Variants in LHPP observed in about 807,000 individuals in gnomAD.
LHPP encodes the protein hLHPP.
Under a neutral mutation model 30.3 loss-of-function variants are expected in LHPP, and 24 were observed. That is an observed-to-expected ratio of 0.79 (90% CI 0.57 to 1.11). The LOEUF is 1.11. LHPP is among the 50% of genes most tolerant of loss of function. LHPP has a pLI of 0.00. For missense variants in LHPP, 356 were observed against 367.2 expected, an observed-to-expected ratio of 0.97 and a Z score of 0.25; for synonymous variants, 150 against 157.1, an observed-to-expected ratio of 0.95 and a Z score of 0.34.
intron 3 of LHPP, among the ~76,000 whole-genome samples, chr10:124,495,487 G>A (rs1037561528): frequency 3.9e-5 from 6 of 152,228 alleles, no homozygotes; most frequent in Non-Finnish European, 8.8e-5. Flanking sequence ...AGTGGAGGAC[G>A]CACAGGGGTG....
chr10:124,551,260 T>A lies in LHPP; in HGVS notation c.716+33989T>A, dbSNP rs568005876. ...CGCCTGGGGCCCCAGAGAGGCCCGA[T>A]CCCATCCCGCTGGGGCACGCCCCAG... is the stretch of plus-strand genomic sequence containing the variant. On this transcript the variant is annotated intron_variant, in intron 6 of 6. Coordinates refer to ENST00000368842, the MANE Select transcript of LHPP (RefSeq NM_022126.4). Among the ~76,000 whole-genome samples, 326 of 152,168 alleles carry A rather than the reference T, an allele frequency of 2.1e-3. 1 individual carries two copies. Among genetic ancestry groups the A allele is most frequent in the Admixed American group, 4.1e-3 (63 of 15,296 alleles).
At chr10:124,536,618 AG>A (rs1250050335) in intron 6 of LHPP, among the ~76,000 whole-genome samples, 2 of 152,144 alleles carry the variant, frequency 1.3e-5, no homozygotes, top group Admixed American at 1.3e-4. Flanking sequence ...TGTGAGCCAG[AG>A]GGCTGGGGGA....
rs565364443 is a variant in LHPP, at chr10:124,519,933, C to T, written c.716+2662C>T. ...CTGCAAGCTCCGCCTCCCGGGTTCA[C>T]GCCATTCTCCTGCCTCAGCCTCCCA... On this transcript the variant is annotated intron_variant, in intron 6 of 6. Coordinates refer to ENST00000368842, the MANE Select transcript of LHPP (RefSeq NM_022126.4). Among the ~76,000 whole-genome samples the T allele has an allele frequency of 3.8e-3, 572 of 151,978 alleles. 3 individuals are homozygous for T. The highest frequency in any genetic ancestry group is 0.016 in the South Asian group (75 of 4,802).
chr10:124,565,103 A>AC (rs1024290106), intron 6 of LHPP, among the ~76,000 whole-genome samples: 52 of 152,252 alleles, frequency 3.4e-4, no homozygotes, highest in African/African-American at 1.1e-3. Context: ...GTTTGCAAAC[A>AC]CGACGCCCGG....
chr10:124,543,071 G>A lies in LHPP; in HGVS notation c.716+25800G>A, dbSNP rs546607332. ...GCCACCCATGCCCATCTCAGGGTGT[G>A]GGCCCAGCGGGTCCTCAGGCTGTAC... On this transcript the variant is annotated intron_variant, in intron 6 of 6. Transcript: ENST00000368842. Among the ~76,000 whole-genome samples the A allele has an allele frequency of 3.3e-5, 5 of 152,340 alleles. No homozygotes were observed. The South Asian group carries it at 8.3e-4, about 25-fold the overall frequency.
chr10:124,569,886 C>T (rs897280), intron 6 of LHPP, among the ~76,000 whole-genome samples: 73,021 of 151,920 alleles, frequency 0.48, 18,091 homozygotes, highest in South Asian at 0.66. Context: ...CACGTACACC[C>T]GTGTAACCCC....
At chr10:124,498,921 A>G (rs1953821040) in intron 5 of LHPP, among the ~76,000 whole-genome samples, 2 of 140,676 alleles carry the variant, frequency 1.4e-5, no homozygotes, top group East Asian at 2.1e-4. Flanking sequence ...TCACTCTGTC[A>G]CCCAGGCTGG....
At position 124,471,438 on chromosome 10, in the gene LHPP, TA is replaced by T. The variant is rs1462354209; in HGVS notation, c.125+9452del. ...ATATATTATATATATATTTATATAT[TA>T]TATATATTTATATATTTATATATAT... is the stretch of plus-strand genomic sequence containing the variant. On this transcript the variant is annotated intron_variant, in intron 1 of 6. Coordinates refer to ENST00000368842, the MANE Select transcript of LHPP (RefSeq NM_022126.4). Among the ~76,000 whole-genome samples, 8 of 4,232 alleles carry T rather than the reference TA, an allele frequency of 1.9e-3. 1 individual carries two copies. Among genetic ancestry groups the T allele is most frequent in the East Asian group, 0.016 (1 of 64 alleles). The allele number at this position is 4,232 out of a possible 152,430, so 2.8% of individuals were successfully genotyped here.
In LHPP at chr10:124,541,614, G is replaced by A. The variant is rs541276041; in HGVS notation, c.716+24343G>A. ...CCCGCGTGAGCCTGGGACCACCCGT[G>A]GGGACAGTGTGTGTCTAGGCAAATG... On this transcript the variant is annotated intron_variant, in intron 6 of 6. Coordinates refer to ENST00000368842, the MANE Select transcript of LHPP (RefSeq NM_022126.4). This position sits in a 1 kb window ranked among gnomAD's most constrained non-coding sequence, Gnocchi z 4.2. Among the ~76,000 whole-genome samples the A allele has an allele frequency of 7.1e-4, 108 of 152,236 alleles. No homozygotes were observed. The highest frequency in any genetic ancestry group is 2.5e-3 in the African/African-American group (104 of 41,552).
At chr10:124,551,775 C>T (rs546901598) in intron 6 of LHPP, among the ~76,000 whole-genome samples, 1 of 152,286 alleles carries the variant, frequency 6.6e-6, no homozygotes, top group East Asian at 1.9e-4. Flanking sequence ...CTCCCCTCCA[C>T]CTGCCGGCCT....
At chr10:124,553,346 C>T (rs1370893256) in intron 6 of LHPP, among the ~76,000 whole-genome samples, 1 of 152,180 alleles carries the variant, frequency 6.6e-6, no homozygotes, top group Non-Finnish European at 1.5e-5. Flanking sequence ...TTTCCTCCTG[C>T]CCACCCCCTG....
At chr10:124,566,292 C>T (rs901410873) in intron 6 of LHPP, among the ~76,000 whole-genome samples, 2 of 152,232 alleles carry the variant, frequency 1.3e-5, no homozygotes, top group African/African-American at 4.8e-5. Context: ...GACTCACTTT[C>T]AGGAGGGGTT....
intron 6 of LHPP, among the ~76,000 whole-genome samples, chr10:124,530,147 G>A (rs1161525145): frequency 1.3e-5 from 2 of 152,172 alleles, no homozygotes; most frequent in Non-Finnish European, 2.9e-5. Flanking sequence ...AGGATCCCCA[G>A]GCCCCCAGGG....
chr10:124,554,082 G>A lies in LHPP; in HGVS notation c.716+36811G>A, dbSNP rs576276075. ...AGTTGCGGGGCGGTGGTCAGCCTGG[G>A]CTGCCTGGATTCAGCTCCTGCTCTG... On this transcript the variant is annotated intron_variant, in intron 6 of 6. Transcript: ENST00000368842. 117 of 985,402 alleles carry A rather than the reference G, an allele frequency of 1.2e-4. No individual in the cohort carries two copies. In the African/African-American group the frequency reaches 2.0e-3, roughly 16 times the overall value. 61.0% of individuals were successfully genotyped at this position (985,402 alleles called of 1,614,324 possible).
chr10:124,511,163 A>G (rs1343883245), intron 5 of LHPP, among the ~76,000 whole-genome samples: 1 of 152,230 alleles, frequency 6.6e-6, no homozygotes, highest in Non-Finnish European at 1.5e-5. Flanking sequence ...GGTACTTGCC[A>G]CTAGCTCTAT....
intron 6 of LHPP, among the ~76,000 whole-genome samples, chr10:124,568,637 G>A (rs1948533489): frequency 6.6e-6 from 1 of 152,202 alleles, no homozygotes; most frequent in Non-Finnish European, 1.5e-5. Flanking sequence ...ATGGGGTCTG[G>A]AATGTTCTCA....
chr10:124,548,439 A>C (rs972861086), intron 6 of LHPP, among the ~76,000 whole-genome samples: 2 of 151,890 alleles, frequency 1.3e-5, no homozygotes, highest in Admixed American at 1.3e-4. Context: ...ATTTTGCTCT[A>C]CTGATTTTTG....
rs148982599 is a variant in LHPP, at chr10:124,488,678, G to A, written c.467+103G>A. The A allele has an allele frequency of 3.3e-4, 328 of 984,406 alleles. 1 individual carries two copies. The East Asian group carries it at 7.6e-3, about 23-fold the overall frequency. 61.0% of individuals were successfully genotyped at this position (984,406 alleles called of 1,614,324 possible). ...AGAGAAGGATGCAGAAGGGGAGGTG[G>A]GAGGAGCACCGGTGATCTTCTTTTC... On this transcript the variant is annotated intron_variant, in intron 3 of 6. Coordinates refer to ENST00000368842, the MANE Select transcript of LHPP (RefSeq NM_022126.4).
chr10:124,609,175 A>G (rs1477884421), intron 6 of LHPP, among the ~76,000 whole-genome samples: 1 of 152,186 alleles, frequency 6.6e-6, no homozygotes, highest in African/African-American at 2.4e-5. Context: ...ACACCCCTTT[A>G]AAAATATAAA....
Sources: allele counts gnomAD v4.1 joint callset (sites outside exome capture counted in the v4.1 genomes callset), GRCh38; gene constraint gnomAD v4.1.1; non-coding constraint Gnocchi (gnomAD v3.1); transcripts MANE v1.5; gene names NCBI Gene and HGNC (gene_info 2026-07-23, HGNC 2026-07-21).